FKTN: variants seen among roughly 807,000 people sequenced by gnomAD.
FKTN encodes the protein ribitol-5-phosphate transferase FKTN.
In FKTN, 47 loss-of-function variants were observed where a neutral mutation model predicts 58.6. That is an observed-to-expected ratio of 0.80 (90% CI 0.63 to 1.02). The LOEUF is 1.02. Ranked by LOEUF, FKTN falls within the 50% of genes least tolerant of loss-of-function variation. The pLI, the probability that FKTN is intolerant of heterozygous loss-of-function variation, is 0.00. For missense variants in FKTN, 516 were observed against 537.3 expected, an observed-to-expected ratio of 0.96 and a Z score of 0.39; for synonymous variants, 178 against 191.9, an observed-to-expected ratio of 0.93 and a Z score of 0.60.
At chr9:105,578,611 G>A (rs1385660975) in intron 3 of FKTN, among the ~76,000 whole-genome samples, 8 of 151,850 alleles carry the variant, frequency 5.3e-5, no homozygotes. Context: ...TGTTCATCAA[G>A]AATATTGGTC....
At chr9:105,610,903 C>A (rs2417625) in intron 7 of FKTN, among the ~76,000 whole-genome samples, 20,873 of 151,976 alleles carry the variant, frequency 0.14, 1,865 homozygotes, top group East Asian at 0.46. Flanking sequence ...CCATGAAGTT[C>A]AAAAACTAGA....
Position 105,637,950 on chromosome 9 carries a change from CA to C in FKTN, c.*2690del. On this transcript the variant is annotated 3_prime_UTR_variant, in exon 11 of 11. Coordinates refer to ENST00000357998, the MANE Select transcript of FKTN (RefSeq NM_001079802.2). Reference sequence around the variant, plus strand: ...GCTGATTTCTTTGATTCCCTAGCTGCAAAACCTGAAATTGACCACTAGGTGA... The same window carrying C: ...GCTGATTTCTTTGATTCCCTAGCTGCAAACCTGAAATTGACCACTAGGTGA... The C allele has an allele frequency of 3.0e-6, 3 of 985,362 alleles. No homozygotes were observed. In the South Asian group the frequency reaches 1.4e-4, roughly 46 times the overall value. The allele number at this position is 985,362 out of a possible 1,614,324, so 61.0% of individuals were successfully genotyped here.
chr9:105,579,985 C>T (rs1318733208), intron 3 of FKTN, among the ~76,000 whole-genome samples: 2 of 151,706 alleles, frequency 1.3e-5, no homozygotes, highest in Non-Finnish European at 2.9e-5. Flanking sequence ...ACTAGGATTG[C>T]AACCCCTGCC....
At chr9:105,565,994 C>T (rs1839513209) in intron 1 of FKTN, among the ~76,000 whole-genome samples, 1 of 152,100 alleles carries the variant, frequency 6.6e-6, no homozygotes. Flanking sequence ...GATTAAGAAA[C>T]TCACTCAAAA....
chr9:105,624,514 C>T (rs2133298793), intron 10 of FKTN: 1 of 151,486 alleles, frequency 6.6e-6, no homozygotes, highest in Non-Finnish European at 1.5e-5. Context: ...GTCTGTGGTC[C>T]CAACTACATG....
chr9:105,630,425 G>A (rs554282627), intron 10 of FKTN, among the ~76,000 whole-genome samples: 4 of 152,208 alleles, frequency 2.6e-5, no homozygotes, highest in South Asian at 4.1e-4. Flanking sequence ...TTAGTAATCC[G>A]AAATCCTCCT....
chr9:105,583,956 A>T (rs546677316), intron 3 of FKTN, among the ~76,000 whole-genome samples: 34 of 152,340 alleles, frequency 2.2e-4, no homozygotes, highest in African/African-American at 7.5e-4. Flanking sequence ...CATCTTAATT[A>T]TATATTAAAT....
intron 3 of FKTN, among the ~76,000 whole-genome samples, chr9:105,585,908 A>G (rs1186381428): frequency 6.6e-6 from 1 of 152,232 alleles, no homozygotes; most frequent in Admixed American, 6.5e-5. Flanking sequence ...ACTTCAAGGT[A>G]ATTTTCAGAG....
chr9:105,626,605 A>G (rs1832770967), intron 10 of FKTN, among the ~76,000 whole-genome samples: 1 of 152,190 alleles, frequency 6.6e-6, no homozygotes, highest in Non-Finnish European at 1.5e-5. Context: ...GTTTACACAT[A>G]AAGTTTGGGA....
chr9:105,620,313 T>C (rs1003842479), intron 10 of FKTN, among the ~76,000 whole-genome samples: 1 of 152,154 alleles, frequency 6.6e-6, no homozygotes, highest in African/African-American at 2.4e-5. Flanking sequence ...TATTCTCAGT[T>C]CTGAGAGAGA....
chr9:105,571,891 A>T (rs899980155), intron 1 of FKTN, among the ~76,000 whole-genome samples: 2 of 152,142 alleles, frequency 1.3e-5, no homozygotes, highest in Non-Finnish European at 2.9e-5. Context: ...TGCTGAAAGG[A>T]ATGTTCATTG....
At chr9:105,622,586 A>T (rs1832154862) in intron 10 of FKTN, among the ~76,000 whole-genome samples, 1 of 152,022 alleles carries the variant, frequency 6.6e-6, no homozygotes, top group South Asian at 2.1e-4. Context: ...CCAGTTAGAC[A>T]TTAGGAAACT....
intron 5 of FKTN, chr9:105,603,762 C>G: frequency 5.2e-6 from 1 of 191,974 alleles, no homozygotes; most frequent in Non-Finnish European, 1.1e-5. Context: ...CAGCCTTGAT[C>G]TCTCAGGTTC....
At chr9:105,628,637 C>A (rs1466007342) in intron 10 of FKTN, among the ~76,000 whole-genome samples, 1 of 152,152 alleles carries the variant, frequency 6.6e-6, no homozygotes, top group Non-Finnish European at 1.5e-5. Context: ...CAGTCTTACT[C>A]ATACTAGCAA....
At chr9:105,579,359 T>C (rs901163791) in intron 3 of FKTN, among the ~76,000 whole-genome samples, 2 of 152,198 alleles carry the variant, frequency 1.3e-5, no homozygotes, top group Non-Finnish European at 2.9e-5. Context: ...GATTCTGGTA[T>C]GTCGTGTCTT....
rs12342071 is a variant in FKTN, at chr9:105,573,867, T to C, written c.-89+121T>C. The C allele has an allele frequency of 0.12, 18,179 of 152,222 alleles. 1,627 individuals are homozygous for C. The highest frequency in any genetic ancestry group is 0.25 in the African/African-American group (10,383 of 41,504). 9.4% of individuals were successfully genotyped at this position (152,222 alleles called of 1,614,324 possible). The stretch of plus-strand genomic sequence containing the variant: ...CACTACAGGACAATGGTACAAAGTG[T>C]GTAAGTCATTGGGGAAAGACAGTGT... On this transcript the variant is annotated intron_variant, in intron 2 of 10. Transcript: ENST00000357998.
At chr9:105,615,762 C>T (rs62575145) in intron 8 of FKTN, among the ~76,000 whole-genome samples, 37,640 of 151,670 alleles carry the variant, frequency 0.25, 5,104 homozygotes, top group Non-Finnish European at 0.31. Context: ...ACCCTATATA[C>T]GCTGCTCTTT....
chr9:105,640,424 A>G lies in FKTN; in HGVS notation c.*5160A>G. The G allele has an allele frequency of 3.9e-6, 1 of 254,118 alleles. No homozygotes were observed. Among genetic ancestry groups the G allele is most frequent in the Non-Finnish European group, 7.5e-6 (1 of 132,896 alleles). 15.7% of individuals were successfully genotyped at this position (254,118 alleles called of 1,614,324 possible). A position where few individuals can be genotyped will look rare whatever the true frequency, so the allele number is the denominator to read the frequency against. ...AAAAATTAGCTGGGCATGGTGGTGC[A>G]CGCCTATAGTCCCAGCTACACAGGA... On this transcript the variant is annotated 3_prime_UTR_variant, in exon 11 of 11. Coordinates refer to ENST00000357998, the MANE Select transcript of FKTN (RefSeq NM_001079802.2).
chr9:105,625,117 G>GA (rs925899983), intron 10 of FKTN, among the ~76,000 whole-genome samples: 6 of 151,768 alleles, frequency 4.0e-5, no homozygotes, highest in Admixed American at 6.6e-5. Context: ...GTAGCAATTA[G>GA]AAAAAAAATC....
Sources: gnomAD v4.1 joint callset for allele counts (sites outside exome capture counted in the v4.1 genomes callset) on GRCh38, gnomAD v4.1.1 for gene constraint, MANE v1.5 for transcripts, NCBI Gene and HGNC (gene_info 2026-07-23, HGNC 2026-07-21) for gene names.